The following ACACA variants were observed in gnomAD, a reference collection of about 807,000 sequenced individuals.
ACACA encodes acetyl-CoA carboxylase alpha, also known as acetyl-CoA carboxylase 1.
Under a neutral mutation model 296.1 loss-of-function variants are expected in ACACA, and 103 were observed. That is an observed-to-expected ratio of 0.35 (90% CI 0.30 to 0.41). The LOEUF is 0.41. Ranked by LOEUF, ACACA falls within the 10% of genes least tolerant of loss-of-function variation. ACACA has a pLI of 1.00. For synonymous variants in ACACA, 953 were observed against 1,038.6 expected (o/e 0.92, Z 1.58); for missense variants, 1,554 against 2,989.7 (o/e 0.52, Z 11.20).
chr17:37,353,222 A>C (rs2048983633), intron 1 of ACACA, among the ~76,000 whole-genome samples: 1 of 152,162 alleles, frequency 6.6e-6, no homozygotes, highest in African/African-American at 2.4e-5. Context: ...CTTGCTGCTA[A>C]TCTACTGATA....
At chr17:37,279,999 G>C (rs2082439833) in intron 5 of ACACA, among the ~76,000 whole-genome samples, 1 of 152,116 alleles carries the variant, frequency 6.6e-6, no homozygotes, top group Non-Finnish European at 1.5e-5. Flanking sequence ...AATAATGTGT[G>C]TCTCTGTACG....
chr17:37,257,686 A>G lies in ACACA; in HGVS notation c.1826+17T>C. 1 of 1,613,182 alleles carries G rather than the reference A, an allele frequency of 6.2e-7. No homozygotes were observed. The highest frequency in any genetic ancestry group is 8.5e-7 in the Non-Finnish European group (1 of 1,179,480). On this transcript the variant is annotated intron_variant, in intron 14 of 55. Coordinates refer to ENST00000616317, the MANE Select transcript of ACACA (RefSeq NM_198834.3). ...AAATTTATTTTGTAAAATGCAATCAAATGCTATTATACTCACGAAATTGCC... is the reference window on the plus strand; with the variant it reads ...AAATTTATTTTGTAAAATGCAATCAGATGCTATTATACTCACGAAATTGCC...
intron 1 of ACACA, among the ~76,000 whole-genome samples, chr17:37,371,533 GTATTAT>G (rs941406066): frequency 2.6e-5 from 4 of 151,488 alleles, no homozygotes; most frequent in Non-Finnish European, 5.9e-5. Context: ...CACCTTTTCA[GTATTAT>G]TATTATTATT....
Position 37,113,345 on chromosome 17 carries a change from T to A in ACACA, c.6275-80A>T. 2 of 1,477,264 alleles carry A rather than the reference T, an allele frequency of 1.4e-6. No individual in the cohort carries two copies. Among genetic ancestry groups the A allele is most frequent in the Non-Finnish European group, 9.3e-7 (1 of 1,072,446 alleles). 91.5% of individuals were successfully genotyped at this position (1,477,264 alleles called of 1,614,324 possible). On this transcript the variant is annotated intron_variant, in intron 50 of 55. Coordinates refer to ENST00000616317, the MANE Select transcript of ACACA (RefSeq NM_198834.3). The surrounding 1 kb of genome is among the most constrained non-coding windows in gnomAD (Gnocchi z 4.0). ...ACTTTTAAACACTGTTCAGGACCTCTGGCCACGAAGAGCCTCCTTATACTA... is the reference window on the plus strand; with the variant it reads ...ACTTTTAAACACTGTTCAGGACCTCAGGCCACGAAGAGCCTCCTTATACTA...
At chr17:37,130,303 C>G in intron 45 of ACACA, 85 bp from the exon 46 acceptor site, 1 of 1,509,922 alleles carries the variant, frequency 6.6e-7, no homozygotes, top group Non-Finnish European at 9.2e-7. Context: ...AAAATGGGTT[C>G]TTTTCTCCAC....
intron 1 of ACACA, among the ~76,000 whole-genome samples, 196 bp from the exon 2 acceptor site, chr17:37,340,046 T>A (rs1597645208): frequency 6.6e-6 from 1 of 152,198 alleles, no homozygotes; most frequent in Non-Finnish European, 1.5e-5. Context: ...ACACATTACA[T>A]AAAGACTATT....
At chr17:37,144,222 A>G (rs527761616) in intron 45 of ACACA, 1 of 712,950 alleles carries the variant, frequency 1.4e-6, no homozygotes, top group Admixed American at 1.8e-5. Context: ...TGCTCCTCCC[A>G]ACAAGTTTGC....
intron 29 of ACACA, among the ~76,000 whole-genome samples, chr17:37,219,336 C>T (rs2079174220): frequency 6.6e-6 from 1 of 152,098 alleles, no homozygotes; most frequent in Admixed American, 6.6e-5. Flanking sequence ...TCACCCTAAG[C>T]GTCTCGTGCT....
At chr17:37,379,371 T>A (rs766640311) in intron 1 of ACACA, 2 of 1,613,732 alleles carry the variant, frequency 1.2e-6, no homozygotes, top group East Asian at 4.5e-5. Context: ...GGATCTCTTC[T>A]AAAAGGCAAA....
At chr17:37,229,816 TC>T (rs2145781525) in intron 25 of ACACA, among the ~76,000 whole-genome samples, 1 of 150,744 alleles carries the variant, frequency 6.6e-6, no homozygotes, top group South Asian at 2.2e-4. Flanking sequence ...ACGCCTGTAA[TC>T]CCAGCACTTT....
chr17:37,219,608 A>C (rs2079187409), intron 29 of ACACA, among the ~76,000 whole-genome samples: 1 of 151,786 alleles, frequency 6.6e-6, no homozygotes, highest in Non-Finnish European at 1.5e-5. Context: ...TGGTGTCATA[A>C]TAAGGTTATA....
chr17:37,285,984 C>T (rs1459895769), intron 3 of ACACA, among the ~76,000 whole-genome samples: 1 of 152,102 alleles, frequency 6.6e-6, no homozygotes, highest in Admixed American at 6.5e-5. Flanking sequence ...CTTCGACTCC[C>T]AGGTTCAAGC....
chr17:37,379,255 A>G (rs369724288), intron 1 of ACACA: 151 of 1,613,900 alleles, frequency 9.4e-5, no homozygotes, highest in Non-Finnish European at 1.2e-4. Context: ...AGAGAAGGCC[A>G]AAGGTCAAGC....
chr17:37,226,561 A>G (rs1222911215), intron 25 of ACACA, 109 bp from the exon 26 acceptor site: 8 of 959,270 alleles, frequency 8.3e-6, no homozygotes, highest in Middle Eastern at 3.0e-4. Flanking sequence ...CAGCTGGATT[A>G]ATAAGAAAAT....
At chr17:37,143,689 A>G (rs571759664) in intron 45 of ACACA, 6 of 896,464 alleles carry the variant, frequency 6.7e-6, no homozygotes, top group Non-Finnish European at 1.1e-5. Context: ...CTTATTCATC[A>G]TCATCATCTT....
chr17:37,371,578 C>G lies in ACACA; in HGVS notation c.39-31728G>C, dbSNP rs186229547. On this transcript the variant is annotated intron_variant, in intron 1 of 55. Transcript: ENST00000616317. ...AATATACTTATGTTCTATATACTCT[C>G]CTGTATATATGGTATATTCCACAAT... Among the ~76,000 whole-genome samples, 91 of 152,088 alleles carry G rather than the reference C, an allele frequency of 6.0e-4. 1 individual carries two copies. In the East Asian group the frequency reaches 0.017, roughly 29 times the overall value.
chr17:37,174,020 A>ATATATATATATATAT (rs552735515), intron 41 of ACACA, among the ~76,000 whole-genome samples: 3 of 16,798 alleles, frequency 1.8e-4, no homozygotes, highest in Non-Finnish European at 3.0e-4. Context: ...ATATATATAT[A>ATATATATATATATAT]TTTTTTTTTT....
intron 14 of ACACA, among the ~76,000 whole-genome samples, chr17:37,254,517 A>C (rs2081138021): frequency 6.6e-6 from 1 of 152,076 alleles, no homozygotes; most frequent in South Asian, 2.1e-4. Context: ...ATGATCCTAT[A>C]ATGCCCTTAA....
In ACACA at chr17:37,248,650, T is replaced by C; in HGVS notation, c.2106A>G (p.Thr702=). 6.2e-7 allele frequency: 1 copy of C among 1,611,350 alleles called. No individual in the cohort carries two copies. Among genetic ancestry groups the C allele is most frequent in the Non-Finnish European group, 8.5e-7 (1 of 1,178,070 alleles). Residue 702 remains threonine (T), a synonymous_variant, in exon 17 of 56, where the codon ACA becomes ACG. Transcript: ENST00000616317. ...LERGQVLPAH[T]LLNTVDVELI... is the part of the protein sequence containing the mutation. Reference sequence around the variant, plus strand: ...GTTCAACATCTACTGTATTCAGAAGTGTATGAGCAGGAAGGACTTGACCCC... The same window carrying C: ...GTTCAACATCTACTGTATTCAGAAGCGTATGAGCAGGAAGGACTTGACCCC...
Sources: gnomAD v4.1 joint callset for allele counts (sites outside exome capture counted in the v4.1 genomes callset) on GRCh38, gnomAD v4.1.1 for gene constraint, Gnocchi (gnomAD v3.1) non-coding constraint, MANE v1.5 for transcripts, NCBI Gene and HGNC (gene_info 2026-07-23, HGNC 2026-07-21) for gene names.